Variants in ARB2A observed in about 807,000 individuals in gnomAD.
ARB2A encodes the protein cotranscriptional regulator ARB2A.
chr5:94,046,719 C>CA, the ARB2A span, among the ~76,000 whole-genome samples: 7 of 151,672 alleles, frequency 4.6e-5, no homozygotes, highest in Admixed American at 3.3e-4. Context: ...GATAAATTCA[C>CA]TTTTTTTTTG....
the ARB2A span, among the ~76,000 whole-genome samples, chr5:93,705,651 GTATATA>G: frequency 7.5e-6 from 1 of 132,872 alleles, no homozygotes; most frequent in African/African-American, 2.9e-5. Flanking sequence ...GTGTGTGTGT[GTATATA>G]TATATATATA....
the ARB2A span, among the ~76,000 whole-genome samples, chr5:94,030,390 T>G: frequency 6.6e-6 from 1 of 152,318 alleles, no homozygotes; most frequent in East Asian, 1.9e-4. Flanking sequence ...ATTGTAGTTG[T>G]AGGACTGAGA....
chr5:93,621,200 A>T, the ARB2A span: 3 of 1,421,952 alleles, frequency 2.1e-6, no homozygotes, highest in Non-Finnish European at 9.3e-7. Flanking sequence ...GGCGAGGGCC[A>T]GGCCGAGCCC....
chr5:93,711,006 G>A, the ARB2A span, among the ~76,000 whole-genome samples: 1 of 152,154 alleles, frequency 6.6e-6, no homozygotes, highest in Admixed American at 6.5e-5. Context: ...CTAGTTTCAA[G>A]CATGCCTGGT....
chr5:93,761,386 C>A, the ARB2A span, among the ~76,000 whole-genome samples: 23 of 152,170 alleles, frequency 1.5e-4, no homozygotes, highest in Non-Finnish European at 2.9e-4. Context: ...ATGGTCTCAG[C>A]AAATAGCACA....
the ARB2A span, among the ~76,000 whole-genome samples, chr5:93,701,076 C>T: frequency 6.6e-6 from 1 of 152,154 alleles, no homozygotes; most frequent in South Asian, 2.1e-4. Context: ...TGCTTGCATA[C>T]ATTATTCCTA....
chr5:93,659,862 A>G, the ARB2A span, among the ~76,000 whole-genome samples: 1 of 152,110 alleles, frequency 6.6e-6, no homozygotes, highest in Non-Finnish European at 1.5e-5. Context: ...CCGCAGTACT[A>G]AACTACCCCT....
At chr5:93,707,805 C>A in the ARB2A span, among the ~76,000 whole-genome samples, 1 of 152,028 alleles carries the variant, frequency 6.6e-6, no homozygotes, top group South Asian at 2.1e-4. Flanking sequence ...GTACTCCTGA[C>A]CTCAGGTGAT....
At chr5:94,027,309 C>A in the ARB2A span, among the ~76,000 whole-genome samples, 1 of 152,190 alleles carries the variant, frequency 6.6e-6, no homozygotes, top group African/African-American at 2.4e-5. Context: ...GAGATGACTG[C>A]TGGCAGGAAG....
At chr5:93,953,099 A>G in the ARB2A span, among the ~76,000 whole-genome samples, 2 of 152,112 alleles carry the variant, frequency 1.3e-5, no homozygotes, top group African/African-American at 4.8e-5. Flanking sequence ...AGCTATCTTG[A>G]ATTCTCTGTC....
the ARB2A span, among the ~76,000 whole-genome samples, chr5:93,664,394 C>A: frequency 6.6e-6 from 1 of 152,042 alleles, no homozygotes; most frequent in Non-Finnish European, 1.5e-5. Flanking sequence ...GAGGCCATCA[C>A]ACCTGGGCTA....
chr5:93,799,815 A>G, the ARB2A span, among the ~76,000 whole-genome samples: 1 of 152,112 alleles, frequency 6.6e-6, no homozygotes, highest in Non-Finnish European at 1.5e-5. Flanking sequence ...ATTACTAAAG[A>G]TCTGAGATGA....
the ARB2A span, among the ~76,000 whole-genome samples, chr5:94,053,666 A>C: frequency 6.6e-6 from 1 of 152,212 alleles, no homozygotes; most frequent in African/African-American, 2.4e-5. Flanking sequence ...GAAAACTGTT[A>C]AAATAAAACA....
chr5:93,822,625 T>C, the ARB2A span, among the ~76,000 whole-genome samples: 1 of 151,974 alleles, frequency 6.6e-6, no homozygotes, highest in Admixed American at 6.6e-5. Context: ...TCTATGGAGA[T>C]ATAGAGATAT....
the ARB2A span, among the ~76,000 whole-genome samples, chr5:93,906,626 T>C: frequency 6.6e-6 from 1 of 151,602 alleles, no homozygotes. Context: ...AAAAAAATTC[T>C]TAGTATATGC....
At chr5:94,020,244 G>T in the ARB2A span, among the ~76,000 whole-genome samples, 4 of 151,526 alleles carry the variant, frequency 2.6e-5, no homozygotes, top group South Asian at 2.1e-4. Flanking sequence ...ACACGGGGCG[G>T]GGGGGGTAAC....
At chr5:93,809,393 A>T in the ARB2A span, among the ~76,000 whole-genome samples, 3 of 152,084 alleles carry the variant, frequency 2.0e-5, 1 homozygote, top group South Asian at 4.1e-4. Flanking sequence ...TTGAAAAATA[A>T]ATAAAATATT....
the ARB2A span, among the ~76,000 whole-genome samples, chr5:94,062,762 C>T: frequency 1.1e-4 from 17 of 152,196 alleles, no homozygotes; most frequent in African/African-American, 3.9e-4. Context: ...CAGGAGCCAA[C>T]AGCCCCACAT....
chr5:93,940,016 A>G, the ARB2A span, among the ~76,000 whole-genome samples: 1 of 151,960 alleles, frequency 6.6e-6, no homozygotes, highest in African/African-American at 2.4e-5. Flanking sequence ...ATTATTAACT[A>G]GTCTTCTTCC....
Sources: allele counts gnomAD v4.1 joint callset (sites outside exome capture counted in the v4.1 genomes callset), GRCh38; gene constraint gnomAD v4.1.1; transcripts MANE v1.5; gene names NCBI Gene and HGNC (gene_info 2026-07-23, HGNC 2026-07-21).